Variants in PCDH15 observed in about 807,000 individuals in gnomAD.
PCDH15 encodes the protein protocadherin related 15.
PCDH15 carries 129 observed loss-of-function variants against 178.5 expected under a neutral mutation model. The ratio of observed to expected loss-of-function variants is 0.72; its 90% CI spans 0.63 to 0.84. PCDH15 has a LOEUF of 0.84. PCDH15 is among the 40% of genes least tolerant of loss of function. The pLI is 0.00. For synonymous variants in PCDH15, 800 were observed against 732.0 expected, an observed-to-expected ratio of 1.09 and a Z score of -1.50; for missense variants, 2,230 against 2,099.9, an observed-to-expected ratio of 1.06 and a Z score of -1.21.
rs1212101401 is a variant in PCDH15, at chr10:54,933,638, T to C, written c.-79-36138A>G. On this transcript the variant is annotated intron_variant, in intron 2 of 5. Coordinates refer to the PCDH15 transcript ENST00000458638. ...TAACAAATCCACTTGTTTGCCTTAA[T>C]TAGTACCCATTTCCCACCAAGAAAA... 1.3e-5 allele frequency among the ~76,000 whole-genome samples: 2 copies of C among 152,164 alleles called. 1 individual carries two copies. The highest frequency in any genetic ancestry group is 3.9e-4 in the East Asian group (2 of 5,176).
intron 26 of PCDH15, among the ~76,000 whole-genome samples, chr10:53,874,367 A>G (rs1324169940): frequency 1.3e-5 from 2 of 152,314 alleles, no homozygotes; most frequent in South Asian, 2.1e-4. Flanking sequence ...AAACTTTGCT[A>G]TTGAGGGGAG....
At chr10:54,545,672 G>C (rs1010926418) in intron 2 of PCDH15, among the ~76,000 whole-genome samples, 3 of 151,978 alleles carry the variant, frequency 2.0e-5, no homozygotes, top group African/African-American at 7.3e-5. Context: ...GGGATCTATA[G>C]CAATATAGAG....
intron 2 of PCDH15, among the ~76,000 whole-genome samples, chr10:54,559,844 T>C (rs890741673): frequency 9.4e-6 from 1 of 106,254 alleles, no homozygotes; most frequent in Admixed American, 1.2e-4. Flanking sequence ...TTGGTTTGTC[T>C]TATAGTAAAA....
chr10:54,438,291 T>TA (rs71007857), intron 3 of PCDH15, among the ~76,000 whole-genome samples: 2 of 133,980 alleles, frequency 1.5e-5, no homozygotes, highest in East Asian at 2.1e-4. Context: ...TTTTTTTTTT[T>TA]AAATAATCTC....
At chr10:55,192,774 A>C (rs1157173410) in intron 1 of PCDH15, among the ~76,000 whole-genome samples, 8 of 151,144 alleles carry the variant, frequency 5.3e-5, no homozygotes, top group Non-Finnish European at 1.0e-4. Context: ...TACATGCACA[A>C]AGACACATAG....
At position 54,153,195 on chromosome 10, in the gene PCDH15, C is replaced by T. The variant is rs763196276; in HGVS notation, c.1689G>A (p.Gly563=). ...CCACCCCTGGAGCGATGGTGATAAGCCCTGTTGTTTTATTGATGATGAAGT... is the reference window on the plus strand; with the variant it reads ...CCACCCCTGGAGCGATGGTGATAAGTCCTGTTGTTTTATTGATGATGAAGT... ...QGDFIINKTT[G]LITIAPGVEM... The change falls in exon 14 of 38, where the codon GGG becomes GGA. Residue 563 remains glycine, a synonymous_variant. Transcript: ENST00000644397. 1.2e-6 allele frequency: 2 copies of T among 1,613,826 alleles called. No individual in the cohort carries two copies. Among genetic ancestry groups the T allele is most frequent in the Non-Finnish European group, 1.7e-6 (2 of 1,179,870 alleles).
intron 2 of PCDH15, among the ~76,000 whole-genome samples, chr10:55,003,921 C>T (rs904150104): frequency 2.0e-5 from 3 of 152,198 alleles, no homozygotes; most frequent in African/African-American, 7.2e-5. Context: ...TCACTGAATA[C>T]ATGCAGGTAT....
At position 54,735,940 on chromosome 10, in the gene PCDH15, G is replaced by A. The variant is rs371054013; in HGVS notation, c.-29+64985C>T. On this transcript the variant is annotated intron_variant, in intron 1 of 37. Coordinates refer to ENST00000644397, the MANE Select transcript of PCDH15 (RefSeq NM_001384140.1). ...TAGATGACGAGTTAGTGGGTGCAGC[G>A]CACCAGCATGGCACATGTATACATA... Among the ~76,000 whole-genome samples, 192 of 143,632 alleles carry A rather than the reference G, an allele frequency of 1.3e-3. 5 individuals carry two copies. In the East Asian group the frequency reaches 0.028, roughly 21 times the overall value. The allele number at this position is 143,632 out of a possible 152,430, so 94.2% of individuals were successfully genotyped here. A position where few individuals can be genotyped will look rare whatever the true frequency, so the allele number is the denominator to read the frequency against.
intron 1 of PCDH15, among the ~76,000 whole-genome samples, chr10:54,673,601 G>A (rs528356287): frequency 1.8e-4 from 27 of 152,072 alleles, no homozygotes; most frequent in African/African-American, 6.5e-4. Flanking sequence ...ACCACGCACG[G>A]CTAATTTTGT....
intron 7 of PCDH15, among the ~76,000 whole-genome samples, chr10:54,320,586 TTA>T (rs972415716): frequency 0.021 from 1,012 of 48,070 alleles, 7 homozygotes; most frequent in South Asian, 0.044. Context: ...ATTTTAAATT[TTA>T]AAAAAAAATA....
intron 2 of PCDH15, chr10:54,605,833 C>T (rs2092717971): frequency 6.8e-6 from 1 of 146,852 alleles, no homozygotes; most frequent in Non-Finnish European, 1.5e-5. Context: ...CTAATGGATG[C>T]TGATCTCCAT....
At chr10:55,627,030 G>T (rs528229663) in intron 2 of PCDH15, among the ~76,000 whole-genome samples, 1 of 152,280 alleles carries the variant, frequency 6.6e-6, no homozygotes, top group South Asian at 2.1e-4. Context: ...GTAGGAAAGT[G>T]AGAGACAGAA....
chr10:54,500,926 A>G (rs932363101), intron 3 of PCDH15, among the ~76,000 whole-genome samples: 2 of 152,120 alleles, frequency 1.3e-5, no homozygotes, highest in African/African-American at 4.8e-5. Flanking sequence ...GAATGAGTTC[A>G]TGTCCTTTGC....
intron 1 of PCDH15, among the ~76,000 whole-genome samples, chr10:55,266,667 G>A (rs545842548): frequency 2.6e-4 from 39 of 152,268 alleles, no homozygotes; most frequent in Non-Finnish European, 5.3e-4. Flanking sequence ...GGAAGAACAC[G>A]CGAGTGGTTG....
intron 22 of PCDH15, among the ~76,000 whole-genome samples, chr10:53,960,053 G>A (rs2088128163): frequency 6.6e-6 from 1 of 152,044 alleles, no homozygotes; most frequent in African/African-American, 2.4e-5. Flanking sequence ...CCAGATAAAT[G>A]TTATTATTTT....
At chr10:54,666,995 CTT>C (rs2094582786) in intron 1 of PCDH15, among the ~76,000 whole-genome samples, 1 of 151,930 alleles carries the variant, frequency 6.6e-6, no homozygotes, top group Non-Finnish European at 1.5e-5. Flanking sequence ...AACAAAACCT[CTT>C]GATCTATGGC....
chr10:55,602,618 G>A (rs1440801589), intron 2 of PCDH15, among the ~76,000 whole-genome samples: 1 of 152,120 alleles, frequency 6.6e-6, no homozygotes, highest in Non-Finnish European at 1.5e-5. Flanking sequence ...GCACCCCCCA[G>A]CAGGGGCACA....
At chr10:55,337,992 A>C (rs1844442862) in intron 2 of PCDH15, among the ~76,000 whole-genome samples, 2 of 152,202 alleles carry the variant, frequency 1.3e-5, no homozygotes, top group Admixed American at 6.5e-5. Context: ...AAAAAATAGC[A>C]AAAGATCTCT....
chr10:53,970,567 G>A (rs1436130722), intron 21 of PCDH15, among the ~76,000 whole-genome samples: 6 of 151,832 alleles, frequency 4.0e-5, no homozygotes, highest in African/African-American at 1.5e-4. Context: ...AGAAAAGAGA[G>A]AAGAATCAAA....
Sources: gnomAD v4.1 joint callset for allele counts (sites outside exome capture counted in the v4.1 genomes callset) on GRCh38, gnomAD v4.1.1 for gene constraint, MANE v1.5 for transcripts, NCBI Gene and HGNC (gene_info 2026-07-23, HGNC 2026-07-21) for gene names.